The following FGD4 variants were observed in gnomAD, a reference collection of about 807,000 sequenced individuals.
FGD4 encodes FYVE, RhoGEF and PH domain-containing protein 4.
FGD4 carries 42 observed loss-of-function variants against 102.0 expected under a neutral mutation model. The observed-to-expected ratio is 0.41, with a 90% CI of 0.32 to 0.53. The LOEUF (loss-of-function observed/expected upper bound fraction) is 0.53. Among genes scored for constraint, FGD4 ranks in the 20% least tolerant of loss-of-function variants. FGD4 has a pLI of 0.21. For missense variants in FGD4, 902 were observed against 1,078.2 expected (o/e 0.84, Z 2.29); for synonymous variants, 380 against 375.7 (o/e 1.01, Z -0.13).
At chr12:32,545,319 G>A (rs1001199023) in intron 1 of FGD4, among the ~76,000 whole-genome samples, 6 of 152,180 alleles carry the variant, frequency 3.9e-5, no homozygotes, top group African/African-American at 1.4e-4. Flanking sequence ...TGAGTTCACA[G>A]AAACCTAGAG....
At chr12:32,635,541 AT>A (rs1409735234) in intron 15 of FGD4, among the ~76,000 whole-genome samples, 1 of 152,172 alleles carries the variant, frequency 6.6e-6, no homozygotes, top group Non-Finnish European at 1.5e-5. Flanking sequence ...CTAGTATGTT[AT>A]ATGCCCTAGA....
In FGD4 at chr12:32,645,148, C is replaced by A. The variant is rs775969175; in HGVS notation, c.*4615C>A. On this transcript the variant is annotated 3_prime_UTR_variant, in exon 17 of 17. Coordinates refer to ENST00000534526, the MANE Select transcript of FGD4 (RefSeq NM_001370298.3). ...TAAATAAATACCAAATACATAGTGA[C>A]ATATAGGTTTGGGAAGAAACTAGTC... 6.6e-6 allele frequency: 1 copy of A among 151,982 alleles called. No homozygotes were observed. Among genetic ancestry groups the A allele is most frequent in the Non-Finnish European group, 1.5e-5 (1 of 68,030 alleles). The allele number at this position is 151,982 out of a possible 1,614,324, so 9.4% of individuals were successfully genotyped here.
intron 4 of FGD4, among the ~76,000 whole-genome samples, chr12:32,586,407 GT>G (rs1234986418): frequency 6.6e-6 from 1 of 152,162 alleles, no homozygotes; most frequent in Admixed American, 6.5e-5. Context: ...TTTCTGAGCT[GT>G]TTGAAAAAAC....
At chr12:32,450,180 C>T (rs535309668) in intron 1 of FGD4, among the ~76,000 whole-genome samples, 1 of 152,254 alleles carries the variant, frequency 6.6e-6, no homozygotes, top group East Asian at 1.9e-4. Flanking sequence ...ATCTGCCTGC[C>T]TCAGCCTCCC....
intron 14 of FGD4, among the ~76,000 whole-genome samples, chr12:32,632,773 C>T (rs1950570266): frequency 6.7e-6 from 1 of 149,760 alleles, no homozygotes; most frequent in East Asian, 2.0e-4. Flanking sequence ...ACTAGCACTC[C>T]ATCTAGGCTG....
intron 1 of FGD4, among the ~76,000 whole-genome samples, chr12:32,515,939 T>G (rs993777135): frequency 6.6e-6 from 1 of 152,218 alleles, no homozygotes; most frequent in African/African-American, 2.4e-5. Context: ...CAAATAAGCT[T>G]TCAACAAACG....
intron 1 of FGD4, among the ~76,000 whole-genome samples, chr12:32,527,570 T>C (rs1941384536): frequency 6.6e-6 from 1 of 152,042 alleles, no homozygotes; most frequent in Non-Finnish European, 1.5e-5. Context: ...GCTGGGACTA[T>C]AGGCACGTGC....
rs543381577 is a variant in FGD4, at chr12:32,634,622, G to A, written c.2313+933G>A. On this transcript the variant is annotated intron_variant, in intron 15 of 16. Transcript: ENST00000534526. ...GTGGCAGTAGGTTCAAGGTAGCCTG[G>A]AAAGTCTATAGAAGAATAGGCTCAG... is the stretch of plus-strand genomic sequence containing the variant. Among the ~76,000 whole-genome samples the A allele has an allele frequency of 4.6e-5, 7 of 152,286 alleles. No homozygotes were observed. In the South Asian group the frequency reaches 1.5e-3, roughly 32 times the overall value.
At chr12:32,599,608 T>C (rs1378844853) in intron 5 of FGD4, among the ~76,000 whole-genome samples, 14 of 112,428 alleles carry the variant, frequency 1.2e-4, no homozygotes, top group African/African-American at 4.7e-4. Context: ...AGTGCAGTGG[T>C]TTGATCTTGG....
intron 1 of FGD4, among the ~76,000 whole-genome samples, chr12:32,436,448 C>T (rs1296293408): frequency 1.3e-5 from 2 of 152,106 alleles, no homozygotes; most frequent in Non-Finnish European, 2.9e-5. Flanking sequence ...AACATGTGGG[C>T]ATTGAATGGC....
intron 7 of FGD4, among the ~76,000 whole-genome samples, 183 bp from the exon 8 acceptor site, chr12:32,607,774 A>C (rs1948877074): frequency 6.6e-6 from 1 of 152,196 alleles, no homozygotes; most frequent in Non-Finnish European, 1.5e-5. Context: ...TCAGCCTCCC[A>C]CAGTGCTGGG....
At chr12:32,624,245 C>T (rs1402458532) in intron 11 of FGD4, among the ~76,000 whole-genome samples, 177 bp from the exon 12 acceptor site, 1 of 152,138 alleles carries the variant, frequency 6.6e-6, no homozygotes, top group African/African-American at 2.4e-5. Context: ...ATAGTCTGAA[C>T]CTCTACTTAA....
intron 1 of FGD4, among the ~76,000 whole-genome samples, chr12:32,471,312 T>A (rs188700780): frequency 5.0e-4 from 76 of 152,284 alleles, no homozygotes; most frequent in African/African-American, 1.6e-3. Flanking sequence ...CATGAGCCAA[T>A]TTCCCTAGTG....
chr12:32,494,980 G>GT (rs1207543475), intron 1 of FGD4, among the ~76,000 whole-genome samples: 1 of 152,198 alleles, frequency 6.6e-6, no homozygotes, highest in Non-Finnish European at 1.5e-5. Context: ...AGGTTTTTTT[G>GT]TAAGAGGCTT....
intron 1 of FGD4, among the ~76,000 whole-genome samples, chr12:32,431,406 C>CT (rs536588312): frequency 2.6e-5 from 4 of 152,246 alleles, no homozygotes; most frequent in South Asian, 2.1e-4. Context: ...GTAATTTATA[C>CT]TTTTTTTCGT....
chr12:32,530,941 G>GTTTTTTTTTTTT lies in FGD4; in HGVS notation c.167-33178_167-33167dup, dbSNP rs768536136. On this transcript the variant is annotated intron_variant, in intron 1 of 16. Transcript: ENST00000534526. The stretch of plus-strand genomic sequence containing the variant: ...TATGACAATCAGTTTCCTAGCTTTG[G>GTTTTTTTTTTTT]TTTTTTTTTTTTTTTTTTTTTTTTT... Among the ~76,000 whole-genome samples, 78 of 70,482 alleles carry GTTTTTTTTTTTT rather than the reference G, an allele frequency of 1.1e-3. 10 individuals carry two copies. Among genetic ancestry groups the GTTTTTTTTTTTT allele is most frequent in the African/African-American group, 4.2e-3 (61 of 14,494 alleles). 46.2% of individuals were successfully genotyped at this position (70,482 alleles called of 152,430 possible).
At chr12:32,563,651 G>A (rs1769653493) in intron 1 of FGD4, among the ~76,000 whole-genome samples, 1 of 152,194 alleles carries the variant, frequency 6.6e-6, no homozygotes, top group South Asian at 2.1e-4. Flanking sequence ...AAGGCAGGCG[G>A]CTGGGAGGTG....
intron 1 of FGD4, among the ~76,000 whole-genome samples, chr12:32,526,106 G>A (rs889852138): frequency 1.3e-5 from 2 of 152,244 alleles, no homozygotes; most frequent in African/African-American, 4.8e-5. Context: ...CCCGGTGCGG[G>A]ATCCACTAGG....
At chr12:32,603,543 G>A (rs1052619688) in intron 7 of FGD4, among the ~76,000 whole-genome samples, 3 of 150,736 alleles carry the variant, frequency 2.0e-5, no homozygotes, top group Admixed American at 2.0e-4. Flanking sequence ...CTGCCACCAC[G>A]CCTGGCTAAT....
Sources: gnomAD v4.1 joint callset for allele counts (sites outside exome capture counted in the v4.1 genomes callset) on GRCh38, gnomAD v4.1.1 for gene constraint, MANE v1.5 for transcripts, NCBI Gene and HGNC (gene_info 2026-07-23, HGNC 2026-07-21) for gene names.